The following CACNA1A variants were observed in gnomAD, a reference collection of about 807,000 sequenced individuals.
CACNA1A encodes the protein calcium voltage-gated channel subunit alpha1 A.
CACNA1A carries 57 observed loss-of-function variants against 262.4 expected under a neutral mutation model. The observed-to-expected ratio is 0.22, with a 90% CI of 0.18 to 0.27. CACNA1A has a LOEUF of 0.27. CACNA1A is among the 10% of genes least tolerant of loss of function. CACNA1A has a pLI of 1.00. For synonymous variants in CACNA1A, 1,431 were observed against 1,419.3 expected, an observed-to-expected ratio of 1.01 and a Z score of -0.18; for missense variants, 2,526 against 3,562.8, an observed-to-expected ratio of 0.71 and a Z score of 7.41.
intron 3 of CACNA1A, among the ~76,000 whole-genome samples, chr19:13,374,423 T>A (rs72997545): frequency 0.042 from 6,388 of 151,800 alleles, 135 homozygotes; most frequent in Middle Eastern, 0.055. Context: ...AATTAAAAAA[T>A]TTTTTTTGTA....
chr19:13,448,515 A>G (rs2060857963), intron 3 of CACNA1A, among the ~76,000 whole-genome samples: 1 of 152,182 alleles, frequency 6.6e-6, no homozygotes, highest in African/African-American at 2.4e-5. Flanking sequence ...AAGTAAAACA[A>G]AAAAAACCAC....
Position 13,277,110 on chromosome 19 carries a change from A to G in CACNA1A, c.3841T>C (p.Tyr1281His), listed in dbSNP as rs1184262651. 1 of 1,612,294 alleles carries G rather than the reference A, an allele frequency of 6.2e-7. No individual in the cohort carries two copies. The change falls in exon 23 of 47, where the codon TAC (tyrosine) becomes CAC (histidine). Residue 1281 changes from tyrosine (Y) to histidine (H), a missense_variant. Coordinates refer to ENST00000360228, the MANE Select transcript of CACNA1A (RefSeq NM_001127222.2). ...AAGGTAAAGACGCCTGTAAAAACGT[A>G]GTCAAAGTATCGCAGCACCTGTAAG... Reference protein sequence around the residue: ...PRNNVLRYFDYVFTGVFTFEM... With the variant: ...PRNNVLRYFDHVFTGVFTFEM...
intron 6 of CACNA1A, among the ~76,000 whole-genome samples, chr19:13,349,612 C>A (rs536963192): frequency 1.3e-5 from 2 of 152,318 alleles, no homozygotes; most frequent in South Asian, 4.1e-4. Context: ...CCCATTCTAT[C>A]CCCTTGAGCT....
chr19:13,263,983 G>A (rs546905626), intron 24 of CACNA1A, among the ~76,000 whole-genome samples: 2 of 152,230 alleles, frequency 1.3e-5, no homozygotes, highest in East Asian at 1.9e-4. Context: ...ATAACCGGGT[G>A]CCGCTGTTTT....
intron 3 of CACNA1A, among the ~76,000 whole-genome samples, chr19:13,431,086 T>C (rs536957203): frequency 2.6e-4 from 40 of 151,944 alleles, no homozygotes; most frequent in African/African-American, 9.2e-4. Flanking sequence ...GCAGAGTTTG[T>C]GGGTCCCTGT....
intron 6 of CACNA1A, among the ~76,000 whole-genome samples, chr19:13,344,735 A>ATTTATTTT (rs1555770162): frequency 8.6e-6 from 1 of 116,204 alleles, no homozygotes; most frequent in South Asian, 2.8e-4. Context: ...TGGATCATTT[A>ATTTATTTT]TTTTATTTAT....
chr19:13,285,249 C>T (rs1283582293), intron 20 of CACNA1A, 43 bp from the exon 21 acceptor site: 9 of 1,610,776 alleles, frequency 5.6e-6, no homozygotes, highest in Non-Finnish European at 6.8e-6. Flanking sequence ...CCACAATTTC[C>T]CACAAGTCTC....
chr19:13,431,619 C>A (rs2060505165), intron 3 of CACNA1A, among the ~76,000 whole-genome samples: 1 of 151,960 alleles, frequency 6.6e-6, no homozygotes, highest in Non-Finnish European at 1.5e-5. Context: ...GCAGGTACAA[C>A]CCAAATGTCC....
At chr19:13,462,114 T>C (rs2144983394) in intron 1 of CACNA1A, among the ~76,000 whole-genome samples, 1 of 152,336 alleles carries the variant, frequency 6.6e-6, no homozygotes, top group East Asian at 1.9e-4. Context: ...GCGTGGCTGA[T>C]GGTTCCCATC....
rs545021921 is a variant in CACNA1A at position 13,464,795 on chromosome 19, A to G, written c.294-9583T>C. 4.8e-3 allele frequency among the ~76,000 whole-genome samples: 725 copies of G among 151,520 alleles called. 5 individuals carry two copies. The highest frequency in any genetic ancestry group is 0.015 in the African/African-American group (629 of 41,238). ...GATCTCCTGACCTTGTGATCTGCCC[A>G]CCTTGGCCTCCCAAAGTGCTGGGAT... On this transcript the variant is annotated intron_variant, in intron 1 of 46. Coordinates refer to ENST00000360228, the MANE Select transcript of CACNA1A (RefSeq NM_001127222.2).
At position 13,506,298 on chromosome 19, in the gene CACNA1A, CGCT is replaced by C. The variant is rs1197384722; in HGVS notation, c.-77_-75del. ...AAGACGCCGCCGCCGCCGCCGCCGC[CGCT>C]GATGCTGAGGCTGCCGGGGCTGGGA... On this transcript the variant is annotated 5_prime_UTR_variant, in exon 1 of 47. Transcript: ENST00000360228. The C allele has an allele frequency of 6.7e-5, 86 of 1,286,752 alleles. No homozygotes were observed. Among genetic ancestry groups the C allele is most frequent in the East Asian group, 8.8e-5 (3 of 33,900 alleles). 79.7% of individuals were successfully genotyped at this position (1,286,752 alleles called of 1,614,324 possible).
chr19:13,473,929 A>G (rs1470191660), intron 1 of CACNA1A, among the ~76,000 whole-genome samples: 2 of 152,186 alleles, frequency 1.3e-5, no homozygotes, highest in Non-Finnish European at 2.9e-5. Context: ...CGGCCTCCCA[A>G]TGAAACCTCC....
At chr19:13,399,049 A>C (rs1568607463) in intron 3 of CACNA1A, among the ~76,000 whole-genome samples, 1 of 152,050 alleles carries the variant, frequency 6.6e-6, no homozygotes, top group Non-Finnish European at 1.5e-5. Flanking sequence ...CCTCAGACTA[A>C]CTCTGCAGAA....
chr19:13,299,917 G>A (rs1466593551), intron 18 of CACNA1A, among the ~76,000 whole-genome samples: 3 of 152,150 alleles, frequency 2.0e-5, no homozygotes, highest in Non-Finnish European at 2.9e-5. Context: ...TCAGGCATTC[G>A]ATTCTTAAAA....
At chr19:13,315,680 G>A (rs1041322942) in intron 11 of CACNA1A, 7 of 152,392 alleles carry the variant, frequency 4.6e-5, no homozygotes, top group African/African-American at 1.4e-4. Flanking sequence ...CCTGAGGGGT[G>A]TCCTGGGGGG....
chr19:13,490,527 G>A (rs181697343), intron 1 of CACNA1A, among the ~76,000 whole-genome samples: 9 of 152,050 alleles, frequency 5.9e-5, no homozygotes, highest in East Asian at 3.9e-4. Flanking sequence ...TGCTTGAACC[G>A]GGAGGCAGAG....
intron 24 of CACNA1A, chr19:13,275,644 G>C (rs1435345376): frequency 8.0e-6 from 3 of 373,638 alleles, no homozygotes; most frequent in Non-Finnish European, 1.3e-5. Flanking sequence ...GTTGGCAGGA[G>C]GGGGGGTCCC....
In CACNA1A at chr19:13,308,245, C is replaced by G; in HGVS notation, c.1788G>C (p.Trp596Cys). ...AGACGACCAGGTTTCTGAGAGATGCCCAGTACCTGCCGACAGAGGCCAGGC... is the reference window on the plus strand; with the variant it reads ...AGACGACCAGGTTTCTGAGAGATGCGCAGTACCTGCCGACAGAGGCCAGGC... ...LLRIFKVTKY[W>C]ASLRNLVVSL... Residue 596 changes from tryptophan to cysteine, a missense_variant, in exon 14 of 47, where the codon TGG becomes TGC. Physicochemically the swap from Trp to Cys is radical, Grantham distance 215. Coordinates refer to ENST00000360228, the MANE Select transcript of CACNA1A (RefSeq NM_001127222.2). This position sits in a 1 kb window ranked among gnomAD's most constrained non-coding sequence, Gnocchi z 4.2. 1 of 1,612,388 alleles carries G rather than the reference C, an allele frequency of 6.2e-7. No homozygotes were observed. Among genetic ancestry groups the G allele is most frequent in the Non-Finnish European group, 8.5e-7 (1 of 1,179,012 alleles).
At chr19:13,489,721 T>G (rs1980526617) in intron 1 of CACNA1A, among the ~76,000 whole-genome samples, 1 of 152,150 alleles carries the variant, frequency 6.6e-6, no homozygotes, top group Admixed American at 6.5e-5. Flanking sequence ...CCTGTCCCCT[T>G]GGGTCTCCCC....
Sources: allele counts gnomAD v4.1 joint callset (sites outside exome capture counted in the v4.1 genomes callset), GRCh38; gene constraint gnomAD v4.1.1; non-coding constraint Gnocchi (gnomAD v3.1); transcripts MANE v1.5; gene names NCBI Gene and HGNC (gene_info 2026-07-23, HGNC 2026-07-21).